ATP8B1: variants seen among roughly 807,000 people sequenced by gnomAD.
ATP8B1 encodes phospholipid-transporting ATPase IC.
Under a neutral mutation model 149.9 loss-of-function variants are expected in ATP8B1, and 80 were observed. That is an observed-to-expected ratio of 0.53 (90% CI 0.45 to 0.64). ATP8B1 has a LOEUF of 0.64. Among genes scored for constraint, ATP8B1 ranks in the 30% least tolerant of loss-of-function variants. The probability of loss-of-function intolerance (pLI) is 0.00; values close to 1 mark genes in which losing one functional copy is unlikely to be tolerated. For missense variants in ATP8B1, 1,247 were observed against 1,552.6 expected (o/e 0.80, Z 3.31); for synonymous variants, 536 against 562.8 (o/e 0.95, Z 0.67).
intron 1 of ATP8B1, among the ~76,000 whole-genome samples, chr18:57,768,365 C>T (rs188021992): frequency 1.7e-3 from 185 of 108,832 alleles, no homozygotes; most frequent in Non-Finnish European, 2.3e-3. Flanking sequence ...CCAGCCTGGG[C>T]AACAGAGTGA....
At chr18:57,683,964 A>C in intron 15 of ATP8B1, 72 bp downstream of exon 15, 1 of 1,557,822 alleles carries the variant, frequency 6.4e-7, no homozygotes, top group Non-Finnish European at 8.9e-7. Flanking sequence ...CATGCATTTG[A>C]GCCATAAGCA....
intron 2 of ATP8B1, among the ~76,000 whole-genome samples, chr18:57,719,584 T>C (rs2079618943): frequency 6.6e-6 from 1 of 152,078 alleles, no homozygotes; most frequent in Non-Finnish European, 1.5e-5. Flanking sequence ...AGAGACTATA[T>C]CCCACACCTG....
At chr18:57,761,090 TAAAATAA>T (rs1214964182) in intron 1 of ATP8B1, among the ~76,000 whole-genome samples, 21,217 of 137,364 alleles carry the variant, frequency 0.15, 1,949 homozygotes, top group African/African-American at 0.21. Context: ...TAAAATAAAA[TAAAATAA>T]AAAATAAAAT....
At chr18:57,799,160 G>A (rs145689918) in intron 1 of ATP8B1, among the ~76,000 whole-genome samples, 1 of 152,234 alleles carries the variant, frequency 6.6e-6, no homozygotes, top group East Asian at 1.9e-4. Context: ...AGCCTAGAGA[G>A]GCAAGGTAAC....
chr18:57,783,170 T>C (rs1169647066), intron 1 of ATP8B1, among the ~76,000 whole-genome samples: 5 of 152,062 alleles, frequency 3.3e-5, no homozygotes, highest in African/African-American at 1.2e-4. Flanking sequence ...TTCCTAGAAG[T>C]ATGATGGGTG....
At chr18:57,653,897 T>G in intron 24 of ATP8B1, 95 bp downstream of exon 24, 1 of 1,132,522 alleles carries the variant, frequency 8.8e-7, no homozygotes, top group Non-Finnish European at 1.3e-6. Context: ...CAGAAAGAAG[T>G]AAACACCAGA....
At position 57,675,009 on chromosome 18, in the gene ATP8B1, G is replaced by A; in HGVS notation, c.1644C>T (p.Tyr548=). Residue 548 remains tyrosine, a synonymous_variant, in exon 16 of 28, where the codon TAC becomes TAT. Coordinates refer to ENST00000648908, the MANE Select transcript of ATP8B1 (RefSeq NM_001374385.1). ...MVDRTDGQLN[Y]QAASPDEGAL... ...CACCTTCATCGGGAGAGGCTGCCTG[G>A]TAGTTGAGCTGACCTAACAAGGAAG... is the stretch of plus-strand genomic sequence containing the variant. 3 of 1,614,122 alleles carry A rather than the reference G, an allele frequency of 1.9e-6. No homozygotes were observed. The highest frequency in any genetic ancestry group is 1.3e-5 in the African/African-American group (1 of 75,066).
chr18:57,708,640 A>C (rs895036954), intron 2 of ATP8B1: 70 of 152,364 alleles, frequency 4.6e-4, no homozygotes, highest in African/African-American at 1.7e-3. Context: ...AGGAAGGCTG[A>C]GAAGAAAAAC....
intron 1 of ATP8B1, among the ~76,000 whole-genome samples, chr18:57,756,309 A>ATG (rs2041545404): frequency 1.4e-5 from 2 of 142,090 alleles, no homozygotes; most frequent in East Asian, 2.0e-4. Flanking sequence ...ATGTATATAT[A>ATG]TATATATTTG....
chr18:57,802,051 A>AC lies in ATP8B1; in HGVS notation c.-26+946dup, dbSNP rs2080581065. 1.1e-5 allele frequency: 1 copy of AC among 88,638 alleles called. No homozygotes were observed. The highest frequency in any genetic ancestry group is 2.0e-5 in the Non-Finnish European group (1 of 49,146). The allele number at this position is 88,638 out of a possible 1,614,324, so 5.5% of individuals were successfully genotyped here. A position where few individuals can be genotyped will look rare whatever the true frequency, so the allele number is the denominator to read the frequency against. On this transcript the variant is annotated intron_variant, in intron 1 of 27. Transcript: ENST00000648908. The surrounding 1 kb of genome is among the most constrained non-coding windows in gnomAD (Gnocchi z 4.9). ...ACCGTCACGGATCTGCGCTCCGAGC[A>AC]CCGCCCCCCCCCGCAACCAGCCACC...
In ATP8B1 at chr18:57,701,164, C is replaced by T. The variant is rs550852007; in HGVS notation, c.492+51G>A. 7 of 1,612,348 alleles carry T rather than the reference C, an allele frequency of 4.3e-6. No individual in the cohort carries two copies. The African/African-American group carries it at 9.3e-5, about 22-fold the overall frequency. On this transcript the variant is annotated intron_variant, in intron 5 of 27. Coordinates refer to ENST00000648908, the MANE Select transcript of ATP8B1 (RefSeq NM_001374385.1). ...TCAATAGAGAAGGAAGGCACGAGAA[C>T]TTAAAGTCAACTCAAAGCAATGAGT...
chr18:57,651,423 G>A (rs1909608446), intron 26 of ATP8B1, among the ~76,000 whole-genome samples: 1 of 151,894 alleles, frequency 6.6e-6, no homozygotes, highest in Admixed American at 6.6e-5. Flanking sequence ...TAGGTTTTAT[G>A]GGAAAGAAAG....
chr18:57,691,555 G>A (rs1208844901), intron 12 of ATP8B1, among the ~76,000 whole-genome samples: 1 of 152,172 alleles, frequency 6.6e-6, no homozygotes, highest in Non-Finnish European at 1.5e-5. Context: ...ATGACTACAG[G>A]AGTAGCAATC....
At chr18:57,698,532 AC>A (rs538856494) in intron 6 of ATP8B1, among the ~76,000 whole-genome samples, 143 of 151,620 alleles carry the variant, frequency 9.4e-4, no homozygotes, top group African/African-American at 3.4e-3. Context: ...ATGAGTTTTT[AC>A]CATATTGGCC....
intron 16 of ATP8B1, among the ~76,000 whole-genome samples, chr18:57,673,896 T>C (rs570092502): frequency 3.9e-5 from 6 of 152,286 alleles, no homozygotes; most frequent in African/African-American, 1.4e-4. Context: ...TGATTTTGAT[T>C]CATAAGCATA....
At chr18:57,700,457 T>C (rs1913061413) in intron 6 of ATP8B1, among the ~76,000 whole-genome samples, 2 of 152,210 alleles carry the variant, frequency 1.3e-5, no homozygotes, top group Admixed American at 6.5e-5. Flanking sequence ...CATTTGTATA[T>C]GTGAAAATCT....
chr18:57,790,421 T>TAACC (rs930595376), intron 1 of ATP8B1, among the ~76,000 whole-genome samples: 2 of 151,886 alleles, frequency 1.3e-5, no homozygotes, highest in African/African-American at 4.8e-5. Context: ...AGTGACTTCC[T>TAACC]ATCAGGTTCT....
At chr18:57,671,634 A>ATT in intron 16 of ATP8B1, 54 bp from the exon 17 acceptor site, 1 of 1,245,896 alleles carries the variant, frequency 8.0e-7, no homozygotes, top group Non-Finnish European at 1.2e-6. Flanking sequence ...TTATATATAT[A>ATT]TTTTTTGAGA....
intron 16 of ATP8B1, 109 bp downstream of exon 16, chr18:57,674,725 G>A (rs1311537473): frequency 1.8e-5 from 23 of 1,284,308 alleles, no homozygotes; most frequent in Non-Finnish European, 2.5e-5. Flanking sequence ...AATCTCCCAG[G>A]AGCCAAGTAG....
Sources: allele counts gnomAD v4.1 joint callset (sites outside exome capture counted in the v4.1 genomes callset), GRCh38; gene constraint gnomAD v4.1.1; non-coding constraint Gnocchi (gnomAD v3.1); transcripts MANE v1.5; gene names NCBI Gene and HGNC (gene_info 2026-07-23, HGNC 2026-07-21).